The following DUSP12 variants were observed in gnomAD, a reference collection of about 807,000 sequenced individuals.
The protein encoded by DUSP12 is dual specificity protein phosphatase 12.
DUSP12 carries 25 observed loss-of-function variants against 38.9 expected under a neutral mutation model. The ratio of observed to expected loss-of-function variants is 0.64; its 90% CI spans 0.47 to 0.90. The LOEUF (loss-of-function observed/expected upper bound fraction) is 0.90. Ranked by LOEUF, DUSP12 falls within the 40% of genes least tolerant of loss-of-function variation. The pLI is 0.00. For synonymous variants in DUSP12, 153 were observed against 153.9 expected (o/e 0.99, Z 0.05); for missense variants, 403 against 427.0 (o/e 0.94, Z 0.50).
chr1:161,751,785 G>C lies in DUSP12; in HGVS notation c.458+4G>C. ...AGATTCTCAAACCAGAGGCTAAGTG[G>C]GTTCTTTTTTTATAGTAATAATTAT... On this transcript the variant is annotated splice_donor_region_variant and intron_variant, in intron 2 of 5. Transcript: ENST00000367943. The C allele has an allele frequency of 6.2e-7, 1 of 1,604,576 alleles. No homozygotes were observed. The highest frequency in any genetic ancestry group is 8.5e-7 in the Non-Finnish European group (1 of 1,177,640).
chr1:161,757,084 G>A lies in DUSP12; in HGVS notation c.*137G>A, dbSNP rs1684122149. 1 of 809,334 alleles carries A rather than the reference G, an allele frequency of 1.2e-6. No individual in the cohort carries two copies. The highest frequency in any genetic ancestry group is 2.3e-5 in the South Asian group (1 of 43,958). The allele number at this position is 809,334 out of a possible 1,614,324, so 50.1% of individuals were successfully genotyped here. A position where few individuals can be genotyped will look rare whatever the true frequency, so the allele number is the denominator to read the frequency against. The stretch of plus-strand genomic sequence containing the variant: ...AAGATAAAATCACTTGATGTAACCT[G>A]GAAACTATGCTTTACATGGCAATCA... On this transcript the variant is annotated 3_prime_UTR_variant, in exon 6 of 6. Transcript: ENST00000367943.
chr1:161,750,033 C>T lies in DUSP12; in HGVS notation c.232C>T (p.Leu78Phe), dbSNP rs1265130614. ...AGPGVEDLWRLFVPALDKPET... is the reference protein window; with the variant it reads ...AGPGVEDLWRFFVPALDKPET... ...GCCTGGGGTCGAGGATCTATGGCGC[C>T]TCTTCGTGCCAGCGCTGGACAAACC... is the stretch of plus-strand genomic sequence containing the variant. Residue 78 changes from leucine (L) to phenylalanine (F), a missense_variant, in exon 1 of 6, where the codon CTC (leucine) becomes TTC (phenylalanine). Leu to Phe is a conservative substitution (Grantham distance 22). Transcript: ENST00000367943. 16 of 1,613,932 alleles carry T rather than the reference C, an allele frequency of 9.9e-6. No homozygotes were observed. Among genetic ancestry groups the T allele is most frequent in the Middle Eastern group, 1.6e-4 (1 of 6,084 alleles).
Position 161,750,187 on chromosome 1 carries a change from C to G in DUSP12, c.344+42C>G, listed in dbSNP as rs1029845703. 7 of 1,576,858 alleles carry G rather than the reference C, an allele frequency of 4.4e-6. No homozygotes were observed. The African/African-American group carries it at 9.5e-5, about 21-fold the overall frequency. ...GTGGGTGACGTGCCCCGCCAAGCTT[C>G]CAGCCGGCCCCCGTCGCCCCTTACC... On this transcript the variant is annotated intron_variant, in intron 1 of 5. Coordinates refer to ENST00000367943, the MANE Select transcript of DUSP12 (RefSeq NM_007240.3).
chr1:161,749,894 G>C lies in DUSP12; in HGVS notation c.93G>C (p.Gln31His). Residue 31 changes from glutamine (Q) to histidine (H), a missense_variant, in exon 1 of 6, where the codon CAG becomes CAC. Physicochemically the swap from Gln to His is conservative, Grantham distance 24. Coordinates refer to ENST00000367943, the MANE Select transcript of DUSP12 (RefSeq NM_007240.3). ...GTGCCGGGCAGATGCTGGAAGTGCA[G>C]CCAGGATTGTATTTCGGTGGGGCCG... ...VSCAGQMLEV[Q>H]PGLYFGGAAA... is the part of the protein sequence containing the mutation. 5.0e-6 allele frequency: 8 copies of C among 1,613,490 alleles called. No homozygotes were observed. Among genetic ancestry groups the C allele is most frequent in the South Asian group, 1.1e-5 (1 of 91,024 alleles).
At chr1:161,750,205 C>A (rs1683993939) in intron 1 of DUSP12, 60 bp downstream of exon 1, 1 of 1,549,788 alleles carries the variant, frequency 6.5e-7, no homozygotes, top group Admixed American at 2.0e-5. Flanking sequence ...CCCCCGTCGC[C>A]CCTTACCTTC....
intron 5 of DUSP12, among the ~76,000 whole-genome samples, chr1:161,756,501 A>ATATATG (rs1356652657): frequency 3.7e-5 from 5 of 135,226 alleles, no homozygotes; most frequent in Non-Finnish European, 8.5e-5. Flanking sequence ...ATATATATAT[A>ATATATG]TATATATATA....
rs558041696 is a variant in DUSP12, at chr1:161,756,789, C to T, written c.865C>T (p.Leu289Phe). The T allele has an allele frequency of 7.5e-6, 12 of 1,610,256 alleles. No homozygotes were observed. Among genetic ancestry groups the T allele is most frequent in the African/African-American group, 5.3e-5 (4 of 74,914 alleles). Residue 289 changes from leucine to phenylalanine, a missense_variant, in exon 6 of 6, where the codon CTT (leucine) becomes TTT (phenylalanine). Transcript: ENST00000367943. ...TAACACATTTGCTTTATTTCAGCTT[C>T]TTTGCCCAAAATGCAGTGCCAAGTT... ...ALLGVMDGQL[L>F]CPKCSAKLGS... is the part of the protein sequence containing the mutation.
chr1:161,751,172 T>G (rs1684013054), intron 1 of DUSP12: 1 of 154,660 alleles, frequency 6.5e-6, no homozygotes. Context: ...AGTAGCGTAA[T>G]TACGGCTCAC....
intron 5 of DUSP12, among the ~76,000 whole-genome samples, chr1:161,754,337 T>A (rs72706022): frequency 0.035 from 5,386 of 152,012 alleles, 123 homozygotes; most frequent in Non-Finnish European, 0.056. Context: ...CTGCTTTTTT[T>A]AAAAAAAACA....
chr1:161,752,004 G>T lies in DUSP12; in HGVS notation c.577+20G>T. The stretch of plus-strand genomic sequence containing the variant: ...ATCCAGGTAAGTAATAATTGCTAGT[G>T]TGTAATGGGCTTTCTAGATGACATT... On this transcript the variant is annotated intron_variant, in intron 3 of 5. Coordinates refer to ENST00000367943, the MANE Select transcript of DUSP12 (RefSeq NM_007240.3). The T allele has an allele frequency of 6.7e-7, 1 of 1,483,410 alleles. No homozygotes were observed. Among genetic ancestry groups the T allele is most frequent in the East Asian group, 2.3e-5 (1 of 44,148 alleles). 91.9% of individuals were successfully genotyped at this position (1,483,410 alleles called of 1,614,324 possible).
Position 161,751,892 on chromosome 1 carries a change from T to C in DUSP12, c.485T>C (p.Leu162Pro), listed in dbSNP as rs1684026331. ...ATGAATGAGGGGTTTGAGTGGCAAC[T>C]GAAATTATACCAGGCAATGGGATAC... ...AKMNEGFEWQLKLYQAMGYEV... is the reference protein window; with the variant it reads ...AKMNEGFEWQPKLYQAMGYEV... The change falls in exon 3 of 6, where the codon CTG becomes CCG. Residue 162 changes from leucine (L) to proline (P), a missense_variant. Coordinates refer to ENST00000367943, the MANE Select transcript of DUSP12 (RefSeq NM_007240.3). 1.9e-6 allele frequency: 3 copies of C among 1,612,946 alleles called. No homozygotes were observed. In the African/African-American group the frequency reaches 4.0e-5, roughly 22 times the overall value.
At chr1:161,756,490 T>TATATAC (rs1684111871) in intron 5 of DUSP12, among the ~76,000 whole-genome samples, 1 of 23,032 alleles carries the variant, frequency 4.3e-5, no homozygotes, top group African/African-American at 9.0e-4. Context: ...AAGCTATATA[T>TATATAC]ATATATATAT....
chr1:161,749,788 C>T lies in DUSP12; in HGVS notation c.-14C>T. ...ATGGTAGGGCAGGAAGCCGCCTTGT[C>T]TCTGGGCGCGGCCATGTTGGAGGCT... On this transcript the variant is annotated 5_prime_UTR_variant, in exon 1 of 6. Transcript: ENST00000367943. The T allele has an allele frequency of 1.6e-5, 25 of 1,557,694 alleles. No homozygotes were observed. Among genetic ancestry groups the T allele is most frequent in the South Asian group, 5.9e-5 (5 of 85,072 alleles).
Position 161,751,691 on chromosome 1 carries a change from T to A in DUSP12, c.368T>A (p.Val123Glu), listed in dbSNP as rs775955382. The change falls in exon 2 of 6, where the codon GTG becomes GAG. Residue 123 changes from valine (V) to glutamate (E), a missense_variant. Physicochemically the swap from Val to Glu is moderately radical, Grantham distance 121. Transcript: ENST00000367943. The stretch of plus-strand genomic sequence containing the variant: ...AGTCATGCAGGAGTCAGTCGAAGTG[T>A]GGCCATAATAACTGCTTTTCTCATG... ...VHCHAGVSRSVAIITAFLMKT... is the reference protein window; with the variant it reads ...VHCHAGVSRSEAIITAFLMKT... 6.2e-7 allele frequency: 1 copy of A among 1,612,482 alleles called. No individual in the cohort carries two copies. The highest frequency in any genetic ancestry group is 1.7e-5 in the Admixed American group (1 of 59,756).
At chr1:161,752,502 C>T in intron 4 of DUSP12, 38 bp downstream of exon 4, 1 of 1,352,800 alleles carries the variant, frequency 7.4e-7, no homozygotes, top group Non-Finnish European at 1.0e-6. Context: ...TTTATCTTGT[C>T]TCAGTAGCTG....
rs1294788905 is a variant in DUSP12, at chr1:161,753,232, T to C, written c.832T>C (p.Ser278Pro). 1.9e-6 allele frequency: 3 copies of C among 1,608,470 alleles called. No homozygotes were observed. Among genetic ancestry groups the C allele is most frequent in the Non-Finnish European group, 2.5e-6 (3 of 1,177,220 alleles). Reference sequence around the variant, plus strand: ...CATTGAACCTGTACAGTGGATGGAATCTGCTTTGTTGGGAGTGATGGATGG... The same window carrying C: ...CATTGAACCTGTACAGTGGATGGAACCTGCTTTGTTGGGAGTGATGGATGG... ...YFIEPVQWME[S>P]ALLGVMDGQL... Residue 278 changes from serine (S) to proline (P), a missense_variant, in exon 5 of 6, where the codon TCT becomes CCT. By Grantham distance (74) the Ser-to-Pro change is moderately conservative. Coordinates refer to ENST00000367943, the MANE Select transcript of DUSP12 (RefSeq NM_007240.3).
chr1:161,756,704 A>G (rs777061793), intron 5 of DUSP12, 82 bp from the exon 6 acceptor site: 83 of 1,492,596 alleles, frequency 5.6e-5, no homozygotes, highest in Non-Finnish European at 7.4e-5. Flanking sequence ...TCTTGTTTTT[A>G]TATCCTATAT....
At chr1:161,755,788 T>G (rs565646082) in intron 5 of DUSP12, among the ~76,000 whole-genome samples, 1 of 152,354 alleles carries the variant, frequency 6.6e-6, no homozygotes, top group Non-Finnish European at 1.5e-5. Context: ...ATCAGATTTT[T>G]TATGTTTTGT....
In DUSP12 at chr1:161,749,985, G is replaced by A. The variant is rs149144814; in HGVS notation, c.184G>A (p.Glu62Lys). The A allele has an allele frequency of 1.8e-4, 288 of 1,614,080 alleles. 1 individual carries two copies. The highest frequency in any genetic ancestry group is 2.0e-4 in the Non-Finnish European group (239 of 1,179,966). ...CACGGCCGTGCTAACAGTGGACTCG[G>A]AGGAGCCCAGCTTCAAGGCGGGGCC... ...GITAVLTVDSEEPSFKAGPGV... is the reference protein window; with the variant it reads ...GITAVLTVDSKEPSFKAGPGV... Residue 62 changes from glutamate to lysine, a missense_variant, in exon 1 of 6, where the codon GAG becomes AAG. Glu to Lys is a moderately conservative substitution (Grantham distance 56, BLOSUM62 1). Coordinates refer to ENST00000367943, the MANE Select transcript of DUSP12 (RefSeq NM_007240.3).
Sources: allele counts gnomAD v4.1 joint callset (sites outside exome capture counted in the v4.1 genomes callset), GRCh38; gene constraint gnomAD v4.1.1; transcripts MANE v1.5; gene names NCBI Gene and HGNC (gene_info 2026-07-23, HGNC 2026-07-21).